The following MGST1 variants were observed in gnomAD, a reference collection of about 807,000 sequenced individuals.
MGST1 encodes the protein microsomal glutathione S-transferase 1.
Under a neutral mutation model 8.9 loss-of-function variants are expected in MGST1, and 5 were observed. That is an observed-to-expected ratio of 0.56 (90% confidence interval 0.29 to 1.19). The LOEUF (loss-of-function observed/expected upper bound fraction) is 1.19, where lower values mean the gene tolerates loss of function less well. Among genes scored for constraint, MGST1 ranks in the 50% most tolerant of loss-of-function variants. The pLI is 0.08. For synonymous variants in MGST1, 54 were observed against 67.8 expected (o/e 0.80, Z 1.00); for missense variants, 182 against 187.4 (o/e 0.97, Z 0.17).
rs1038461545 is a variant in MGST1 at position 16,547,654 on chromosome 12, C to T, written n.483-41874C>T. Among the ~76,000 whole-genome samples the T allele has an allele frequency of 5.3e-5, 8 of 152,120 alleles. No homozygotes were observed. Among genetic ancestry groups the T allele is most frequent in the African/African-American group, 1.9e-4 (8 of 41,416 alleles). ...CAATAAATGTCAATTAAACTAATGA[C>T]TATTAAATCTCTGCTTTCTATTACC... On this transcript the variant is annotated intron_variant and non_coding_transcript_variant, in intron 4 of 4. Transcript: ENST00000538857. The surrounding 1 kb of genome is among the most constrained non-coding windows in gnomAD (Gnocchi z 4.6).
chr12:16,432,491 T>C (rs978423385), intron 1 of MGST1, among the ~76,000 whole-genome samples: 1 of 151,970 alleles, frequency 6.6e-6, no homozygotes, highest in Non-Finnish European at 1.5e-5. Context: ...CCTTAGGTGG[T>C]TGAATTTTTT....
In MGST1 at chr12:16,584,588, G is replaced by T. The variant is rs537273418; in HGVS notation, n.483-4940G>T. ...TTAACATTGGCAAGTGGAGGAGTGG[G>T]GGGGGTAAGAGGCCTGTTTAGAGGT... On this transcript the variant is annotated intron_variant and non_coding_transcript_variant, in intron 4 of 4. Transcript: ENST00000538857. This position sits in a 1 kb window ranked among gnomAD's most constrained non-coding sequence, Gnocchi z 5.2. 2.6e-5 allele frequency among the ~76,000 whole-genome samples: 4 copies of T among 152,146 alleles called. No homozygotes were observed. Among genetic ancestry groups the T allele is most frequent in the African/African-American group, 4.8e-5 (2 of 41,430 alleles).
intron 1 of MGST1, among the ~76,000 whole-genome samples, chr12:16,411,522 G>A (rs141705672): frequency 6.6e-6 from 1 of 152,062 alleles, no homozygotes; most frequent in Non-Finnish European, 1.5e-5. Context: ...AAAAATGTTA[G>A]TTTTCTTTAA....
chr12:16,370,562 G>A (rs1367979358), intron 3 of MGST1, among the ~76,000 whole-genome samples: 1 of 152,082 alleles, frequency 6.6e-6, no homozygotes, highest in Non-Finnish European at 1.5e-5. Flanking sequence ...CTAAGTTCTT[G>A]TTTGAGCTAC....
chr12:16,498,952 TA>T (rs1295395242), intron 4 of MGST1, among the ~76,000 whole-genome samples: 3 of 152,166 alleles, frequency 2.0e-5, no homozygotes, highest in Admixed American at 2.0e-4. Flanking sequence ...TATACTAAGA[TA>T]CAAAGGGCCT....
intron 4 of MGST1, among the ~76,000 whole-genome samples, chr12:16,454,358 G>T (rs1941152654): frequency 6.6e-6 from 1 of 151,838 alleles, no homozygotes; most frequent in South Asian, 2.1e-4. Context: ...GAACAAATAT[G>T]TTAAATTATT....
At chr12:16,452,718 T>C (rs1003896779) in intron 4 of MGST1, among the ~76,000 whole-genome samples, 8 of 151,868 alleles carry the variant, frequency 5.3e-5, no homozygotes, top group African/African-American at 1.9e-4. Context: ...ATTATTATGG[T>C]AAACTTATTT....
At chr12:16,526,594 G>T (rs1941688175) in intron 4 of MGST1, among the ~76,000 whole-genome samples, 1 of 151,892 alleles carries the variant, frequency 6.6e-6, no homozygotes, top group African/African-American at 2.4e-5. Flanking sequence ...TGTTTAGAAG[G>T]TACAAACATG....
intron 4 of MGST1, among the ~76,000 whole-genome samples, chr12:16,444,600 C>T (rs1941065056): frequency 6.6e-6 from 1 of 151,902 alleles, no homozygotes; most frequent in Non-Finnish European, 1.5e-5. Flanking sequence ...CATCCATAAA[C>T]CAAGCTTGGA....
chr12:16,577,115 A>T (rs993834990), intron 4 of MGST1, among the ~76,000 whole-genome samples: 3 of 152,182 alleles, frequency 2.0e-5, no homozygotes, highest in African/African-American at 7.2e-5. Flanking sequence ...AAAACTTGTG[A>T]CTGGTAACAT....
intron 1 of MGST1, among the ~76,000 whole-genome samples, chr12:16,424,969 G>C (rs1249570691): frequency 2.0e-5 from 3 of 152,040 alleles, no homozygotes; most frequent in Admixed American, 6.5e-5. Context: ...AGACATGTTT[G>C]GAGCTATATA....
At chr12:16,538,784 A>AT (rs1315252404) in intron 4 of MGST1, among the ~76,000 whole-genome samples, 1 of 151,654 alleles carries the variant, frequency 6.6e-6, no homozygotes, top group East Asian at 1.9e-4. Flanking sequence ...AATTTTTTGT[A>AT]TTTTTAGTAG....
At chr12:16,536,745 C>T (rs1021210525) in intron 4 of MGST1, among the ~76,000 whole-genome samples, 3 of 152,038 alleles carry the variant, frequency 2.0e-5, no homozygotes, top group African/African-American at 7.3e-5. Flanking sequence ...CCCAATAAAA[C>T]CATCAAATCT....
chr12:16,435,750 C>G (rs927418741), intron 1 of MGST1, among the ~76,000 whole-genome samples: 252 of 151,680 alleles, frequency 1.7e-3, no homozygotes, highest in African/African-American at 6.0e-3. Context: ...TAACAAACAA[C>G]ACAGGCTCAA....
intron 1 of MGST1, among the ~76,000 whole-genome samples, chr12:16,414,276 A>G (rs1040575372): frequency 1.3e-5 from 2 of 150,946 alleles, no homozygotes; most frequent in Admixed American, 6.6e-5. Context: ...AAGACTCACA[A>G]TTAATTGGTA....
intron 4 of MGST1, among the ~76,000 whole-genome samples, chr12:16,455,564 C>G (rs1209024511): frequency 6.6e-6 from 1 of 151,650 alleles, no homozygotes; most frequent in Non-Finnish European, 1.5e-5. Context: ...GGGGAGTCTT[C>G]AGAGGATAAA....
chr12:16,421,681 G>A (rs889245107), intron 1 of MGST1, among the ~76,000 whole-genome samples: 1 of 152,102 alleles, frequency 6.6e-6, no homozygotes, highest in African/African-American at 2.4e-5. Flanking sequence ...GTCCATGGAC[G>A]TATATTCACT....
At chr12:16,577,769 C>A (rs1403977010) in intron 4 of MGST1, among the ~76,000 whole-genome samples, 1 of 152,162 alleles carries the variant, frequency 6.6e-6, no homozygotes, top group Admixed American at 6.5e-5. Flanking sequence ...ATGGCTCCAT[C>A]TCACCAACAT....
At chr12:16,524,442 C>T (rs2137193389) in intron 4 of MGST1, among the ~76,000 whole-genome samples, 1 of 152,048 alleles carries the variant, frequency 6.6e-6, no homozygotes, top group South Asian at 2.1e-4. Flanking sequence ...TGTGGAGGTT[C>T]AAGGAAAATA....
Sources: gnomAD v4.1 joint callset for allele counts (sites outside exome capture counted in the v4.1 genomes callset) on GRCh38, gnomAD v4.1.1 for gene constraint, Gnocchi (gnomAD v3.1) non-coding constraint, MANE v1.5 for transcripts, NCBI Gene and HGNC (gene_info 2026-07-23, HGNC 2026-07-21) for gene names.